NAALADL2: variants seen among roughly 807,000 people sequenced by gnomAD.
The protein encoded by NAALADL2 is inactive N-acetylated-alpha-linked acidic dipeptidase-like protein 2.
A neutral mutation model predicts 87.2 loss-of-function variants in NAALADL2; 76 were observed. That is an observed-to-expected ratio of 0.87 (90% confidence interval 0.72 to 1.05). The LOEUF is 1.05. Ranked by LOEUF, NAALADL2 falls within the 50% of genes least tolerant of loss-of-function variation. The pLI is 0.00. For synonymous variants in NAALADL2, 354 were observed against 331.0 expected, an observed-to-expected ratio of 1.07 and a Z score of -0.75; for missense variants, 1,089 against 945.8, an observed-to-expected ratio of 1.15 and a Z score of -1.99.
chr3:175,786,470 C>T (rs558513448), intron 13 of NAALADL2, among the ~76,000 whole-genome samples: 135 of 151,992 alleles, frequency 8.9e-4, no homozygotes, highest in African/African-American at 3.2e-3. Flanking sequence ...TTGCTGATAC[C>T]CTTTCTTCCA....
intron 11 of NAALADL2, among the ~76,000 whole-genome samples, chr3:175,684,373 A>G (rs560134615): frequency 3.0e-4 from 45 of 152,318 alleles, no homozygotes; most frequent in African/African-American, 1.1e-3. Context: ...TAATACTCAT[A>G]ATCACATTTC....
At chr3:174,588,548 G>A (rs1560075277) in intron 2 of NAALADL2, among the ~76,000 whole-genome samples, 1 of 152,128 alleles carries the variant, frequency 6.6e-6, no homozygotes, top group East Asian at 1.9e-4. Flanking sequence ...CATACAGATG[G>A]GGTTTTGGTG....
At chr3:175,043,025 C>T (rs1157819803) in intron 1 of NAALADL2, among the ~76,000 whole-genome samples, 1 of 152,106 alleles carries the variant, frequency 6.6e-6, no homozygotes, top group Non-Finnish European at 1.5e-5. Context: ...TGCCTTATGC[C>T]ATGAGTGGAA....
intron 5 of NAALADL2, among the ~76,000 whole-genome samples, chr3:175,345,000 A>G (rs1242325196): frequency 6.6e-6 from 1 of 152,152 alleles, no homozygotes; most frequent in African/African-American, 2.4e-5. Context: ...ACCCCAAATC[A>G]TACAGATGAT....
intron 10 of NAALADL2, among the ~76,000 whole-genome samples, chr3:175,623,475 T>C (rs1269523398): frequency 6.6e-6 from 1 of 152,088 alleles, no homozygotes; most frequent in East Asian, 1.9e-4. Flanking sequence ...GTGATAGTTG[T>C]TGGATCTTAA....
chr3:175,345,958 A>G (rs1394976572), intron 5 of NAALADL2, among the ~76,000 whole-genome samples: 2 of 152,332 alleles, frequency 1.3e-5, no homozygotes, highest in South Asian at 2.1e-4. Context: ...AGTATTTACA[A>G]GAAACAGACT....
chr3:174,930,675 C>G (rs139270563), intron 1 of NAALADL2, among the ~76,000 whole-genome samples: 5 of 126,450 alleles, frequency 4.0e-5, no homozygotes, highest in Admixed American at 1.0e-4. Flanking sequence ...AGGCTGGAGT[C>G]CAGTGGCGCG....
chr3:175,490,104 A>C (rs1727842384), intron 9 of NAALADL2, among the ~76,000 whole-genome samples: 1 of 152,134 alleles, frequency 6.6e-6, no homozygotes, highest in Non-Finnish European at 1.5e-5. Context: ...CATTACAAAA[A>C]CAGAGCCAAT....
intron 2 of NAALADL2, among the ~76,000 whole-genome samples, chr3:174,599,449 A>T (rs746158287): frequency 4.6e-5 from 7 of 152,140 alleles, no homozygotes; most frequent in Non-Finnish European, 8.8e-5. Context: ...AGACATAAAT[A>T]TGGGAAGGGT....
At chr3:174,827,746 A>G (rs941274533) in intron 3 of NAALADL2, among the ~76,000 whole-genome samples, 1 of 152,192 alleles carries the variant, frequency 6.6e-6, no homozygotes, top group Non-Finnish European at 1.5e-5. Context: ...ATCTAGCCTT[A>G]TAGATTTACT....
chr3:175,177,414 A>G (rs1338369112), intron 2 of NAALADL2, among the ~76,000 whole-genome samples: 1 of 152,040 alleles, frequency 6.6e-6, no homozygotes, highest in Non-Finnish European at 1.5e-5. Context: ...ATTCACATCT[A>G]TGGATAGAAA....
At chr3:175,289,927 A>C (rs1419982993) in intron 4 of NAALADL2, among the ~76,000 whole-genome samples, 1 of 152,220 alleles carries the variant, frequency 6.6e-6, no homozygotes, top group African/African-American at 2.4e-5. Flanking sequence ...TGAAAAGACT[A>C]TTTAAACAAA....
At chr3:175,339,446 G>A (rs1249576085) in intron 5 of NAALADL2, among the ~76,000 whole-genome samples, 1 of 152,126 alleles carries the variant, frequency 6.6e-6, no homozygotes, top group African/African-American at 2.4e-5. Flanking sequence ...AATACAATCT[G>A]TTCTGTATAA....
intron 9 of NAALADL2, among the ~76,000 whole-genome samples, chr3:175,522,134 T>TTTAAAAATATTTTAAA (rs2149421580): frequency 6.6e-6 from 1 of 152,296 alleles, no homozygotes; most frequent in African/African-American, 2.4e-5. Context: ...TAAACTAAAA[T>TTTAAAAATATTTTAAA]CTCAATAATT....
chr3:174,927,616 C>T (rs1736270235), intron 1 of NAALADL2, among the ~76,000 whole-genome samples: 1 of 152,046 alleles, frequency 6.6e-6, no homozygotes, highest in South Asian at 2.1e-4. Flanking sequence ...CTACTGGGTA[C>T]ATAACGAAAT....
chr3:175,429,926 C>A, intron 5 of NAALADL2, among the ~76,000 whole-genome samples: 1 of 151,642 alleles, frequency 6.6e-6, no homozygotes, highest in South Asian at 2.1e-4. Context: ...TTTTTCTATG[C>A]ATTAAAATAA....
intron 1 of NAALADL2, among the ~76,000 whole-genome samples, chr3:175,026,352 T>A (rs1752222122): frequency 6.6e-6 from 1 of 151,476 alleles, no homozygotes; most frequent in African/African-American, 2.4e-5. Context: ...AGAAAATATA[T>A]CTAAAAAGTT....
At chr3:175,196,378 A>G (rs541760267) in intron 2 of NAALADL2, among the ~76,000 whole-genome samples, 2 of 151,832 alleles carry the variant, frequency 1.3e-5, no homozygotes, top group Non-Finnish European at 2.9e-5. Context: ...TTTCATCCAC[A>G]TTAAAAACCT....
At chr3:175,610,995 C>A (rs976714877) in intron 10 of NAALADL2, among the ~76,000 whole-genome samples, 1 of 151,966 alleles carries the variant, frequency 6.6e-6, no homozygotes, top group African/African-American at 2.4e-5. Flanking sequence ...CCCAATATTA[C>A]AGGTGAGAAA....
Sources: gnomAD v4.1 joint callset for allele counts (sites outside exome capture counted in the v4.1 genomes callset) on GRCh38, gnomAD v4.1.1 for gene constraint, MANE v1.5 for transcripts, NCBI Gene and HGNC (gene_info 2026-07-23, HGNC 2026-07-21) for gene names.